The following KANK1 variants were observed in gnomAD, a reference collection of about 807,000 sequenced individuals.
KANK1 encodes KN motif and ankyrin repeat domains 1, also known as KN motif and ankyrin repeat domain-containing protein 1.
KANK1 carries 109 observed loss-of-function variants against 106.2 expected under a neutral mutation model. The observed-to-expected ratio is 1.03, with a 90% CI of 0.88 to 1.20. The LOEUF (loss-of-function observed/expected upper bound fraction) is 1.20. KANK1 is among the 50% of genes most tolerant of loss of function. The pLI, the probability that KANK1 is intolerant of heterozygous loss-of-function variation, is 0.00. For missense variants in KANK1, 2,399 were observed against 1,710.7 expected, an observed-to-expected ratio of 1.40 and a Z score of -7.10; for synonymous variants, 873 against 652.2, an observed-to-expected ratio of 1.34 and a Z score of -5.16.
At chr9:702,128 A>ATTGGTGT (rs1465486610) in intron 2 of KANK1, among the ~76,000 whole-genome samples, 3 of 152,170 alleles carry the variant, frequency 2.0e-5, no homozygotes, top group Admixed American at 1.3e-4. Flanking sequence ...ATGCCGTTGC[A>ATTGGTGT]TTGGTGTTTG....
intron 1 of KANK1, among the ~76,000 whole-genome samples, chr9:671,659 C>T (rs1251052304): frequency 2.9e-5 from 2 of 70,008 alleles, no homozygotes; most frequent in Non-Finnish European, 4.8e-5. Context: ...AGAAGCATTT[C>T]CTGTGTGTCT....
intron 2 of KANK1, among the ~76,000 whole-genome samples, chr9:709,972 G>A (rs1825476409): frequency 6.6e-6 from 1 of 152,092 alleles, no homozygotes; most frequent in African/African-American, 2.4e-5. Context: ...CTTACTATGT[G>A]CTTGTCTCTT....
intron 3 of KANK1, chr9:478,551 C>T (rs1320182306): frequency 6.6e-6 from 1 of 152,382 alleles, no homozygotes; most frequent in African/African-American, 2.4e-5. Flanking sequence ...CAAATCTAAT[C>T]ACAGCATAAG....
At chr9:619,719 A>G (rs148564205) in intron 1 of KANK1, among the ~76,000 whole-genome samples, 129 of 152,320 alleles carry the variant, frequency 8.5e-4, no homozygotes, top group Non-Finnish European at 1.5e-3. Flanking sequence ...TTAATATGCA[A>G]TACATTCCTA....
chr9:683,630 G>A (rs1024354485), intron 2 of KANK1, among the ~76,000 whole-genome samples: 1 of 152,176 alleles, frequency 6.6e-6, no homozygotes, highest in African/African-American at 2.4e-5. Context: ...TGAAAAGGAT[G>A]TAGTTCAGAA....
At chr9:692,182 C>T (rs888450810) in intron 2 of KANK1, among the ~76,000 whole-genome samples, 2 of 152,212 alleles carry the variant, frequency 1.3e-5, no homozygotes, top group Non-Finnish European at 2.9e-5. Context: ...GGTGCCTGCA[C>T]ATGCCCTGCC....
At position 742,233 on chromosome 9, in the gene KANK1, T is replaced by C; in HGVS notation, c.3725T>C (p.Val1242Ala). Residue 1242 changes from valine to alanine, a missense_variant, in exon 10 of 12, where the codon GTC (valine) becomes GCC (alanine). By Grantham distance (64) the Val-to-Ala change is moderately conservative (BLOSUM62 0). Transcript: ENST00000382297. ...QAGQTALMLA[V>A]SHGRIDMVKG... ...GGACAGACGGCCCTCATGCTGGCGG[T>C]CAGTCACGGACGGATAGACATGGTG... 2 of 1,614,058 alleles carry C rather than the reference T, an allele frequency of 1.2e-6. No individual in the cohort carries two copies. The highest frequency in any genetic ancestry group is 1.7e-6 in the Non-Finnish European group (2 of 1,179,984).
intron 1 of KANK1, among the ~76,000 whole-genome samples, chr9:622,523 G>T (rs10815355): frequency 0.06 from 9,113 of 152,240 alleles, 733 homozygotes; most frequent in East Asian, 0.24. Flanking sequence ...GAAGAATACT[G>T]TTGGGAAAAC....
At chr9:690,314 G>GAAA (rs58615825) in intron 2 of KANK1, among the ~76,000 whole-genome samples, 1 of 107,036 alleles carries the variant, frequency 9.3e-6, no homozygotes, top group East Asian at 2.3e-4. Flanking sequence ...TCAAAAAAAA[G>GAAA]AAAAAAAAAA....
At chr9:531,275 A>G (rs1436724448) in intron 1 of KANK1, among the ~76,000 whole-genome samples, 1 of 152,104 alleles carries the variant, frequency 6.6e-6, no homozygotes, top group Non-Finnish European at 1.5e-5. Context: ...CCTTCCCTCT[A>G]TAAAAAATAC....
At chr9:602,302 C>A (rs1827952177) in intron 1 of KANK1, among the ~76,000 whole-genome samples, 1 of 151,482 alleles carries the variant, frequency 6.6e-6, no homozygotes, top group Admixed American at 6.6e-5. Flanking sequence ...GCTCTGTTGC[C>A]AGGCTGGTGT....
At chr9:576,770 T>G (rs116832394) in intron 1 of KANK1, among the ~76,000 whole-genome samples, 6,349 of 152,136 alleles carry the variant, frequency 0.042, 139 homozygotes, top group Non-Finnish European at 0.055. Flanking sequence ...GTTTTTTTTT[T>G]GCAAACCATG....
chr9:556,014 A>G (rs960046001), intron 1 of KANK1, among the ~76,000 whole-genome samples: 6 of 152,222 alleles, frequency 3.9e-5, no homozygotes, highest in Admixed American at 2.6e-4. Flanking sequence ...TTTTAATCAT[A>G]CTATAAAATA....
chr9:661,348 C>G (rs995478435), intron 1 of KANK1, among the ~76,000 whole-genome samples: 1 of 151,428 alleles, frequency 6.6e-6, no homozygotes, highest in African/African-American at 2.4e-5. Flanking sequence ...TTGTTCAGTT[C>G]CCACCTATGA....
intron 1 of KANK1, among the ~76,000 whole-genome samples, chr9:603,338 T>C (rs1828254140): frequency 6.6e-6 from 1 of 151,872 alleles, no homozygotes; most frequent in Admixed American, 6.5e-5. Context: ...TGACCCTGAA[T>C]GTGTAAATTA....
In KANK1 at chr9:590,276, C is replaced by T. The variant is rs1390354136; in HGVS notation, c.-84+85522C>T. On this transcript the variant is annotated intron_variant, in intron 1 of 11. Transcript: ENST00000382297. ...TTCTAATAGCCTTTGTTATTATAGT[C>T]AGGGAGGTGAAGTGAGGAGATGATA... Among the ~76,000 whole-genome samples the T allele has an allele frequency of 3.9e-5, 6 of 151,986 alleles. No homozygotes were observed. The East Asian group carries it at 1.2e-3, about 29-fold the overall frequency.
At chr9:605,392 C>T (rs537005127) in intron 1 of KANK1, among the ~76,000 whole-genome samples, 2 of 151,434 alleles carry the variant, frequency 1.3e-5, no homozygotes, top group Admixed American at 1.3e-4. Context: ...ATGTTAAGCT[C>T]TGAATTCAGA....
chr9:473,047 G>C (rs1216768488), intron 2 of KANK1: 1 of 152,228 alleles, frequency 6.6e-6, no homozygotes, highest in East Asian at 1.9e-4. Context: ...CCTGGGTTGA[G>C]ATTTTATATA....
At chr9:677,126 A>G in intron 2 of KANK1, 117 bp downstream of exon 2, 1 of 926,986 alleles carries the variant, frequency 1.1e-6, no homozygotes, top group Non-Finnish European at 1.6e-6. Flanking sequence ...AGGATTTCAA[A>G]GCAATTTTCT....
Sources: allele counts gnomAD v4.1 joint callset (sites outside exome capture counted in the v4.1 genomes callset), GRCh38; gene constraint gnomAD v4.1.1; transcripts MANE v1.5; gene names NCBI Gene and HGNC (gene_info 2026-07-23, HGNC 2026-07-21).